GTPBP1: variants seen among roughly 807,000 people sequenced by gnomAD.
The protein encoded by GTPBP1 is GTP-binding protein 1.
GTPBP1 carries 23 observed loss-of-function variants against 62.0 expected under a neutral mutation model. The observed-to-expected ratio is 0.37, with a 90% CI of 0.27 to 0.53. The LOEUF is 0.53. Ranked by LOEUF, GTPBP1 falls within the 20% of genes least tolerant of loss-of-function variation. GTPBP1 has a pLI of 0.89. For missense variants in GTPBP1, 640 were observed against 917.3 expected (o/e 0.70, Z 3.90); for synonymous variants, 344 against 364.4 (o/e 0.94, Z 0.64).
At chr22:38,740,271 T>C (rs2092844667), downstream of GTPBP1, 1 of 1,586,832 alleles carries the variant, frequency 6.3e-7, no homozygotes, top group Non-Finnish European at 8.6e-7. This position sits in a 1 kb window ranked among gnomAD's most constrained non-coding sequence, Gnocchi z 4.8. Context: ...ACTCACGTCG[T>C]CCCGCACGGC....
intron 4 of GTPBP1, among the ~76,000 whole-genome samples, chr22:38,719,783 A>G (rs1040423386): frequency 6.6e-6 from 1 of 151,966 alleles, no homozygotes; most frequent in Non-Finnish European, 1.5e-5. Context: ...TACAATCAAG[A>G]AAATGAAGAA....
At position 38,729,669 on chromosome 22, in the gene GTPBP1, A is replaced by C; in HGVS notation, c.1917+7A>C. On this transcript the variant is annotated splice_region_variant and intron_variant, in intron 11 of 11. Coordinates refer to ENST00000216044, the MANE Select transcript of GTPBP1 (RefSeq NM_004286.5). ...CAGCAATCTCCAGCCTCAGGTGAGC[A>C]CGGGCCCCTCGCAGCTTCGGCATGG... 6.8e-7 allele frequency: 1 copy of C among 1,472,736 alleles called. No homozygotes were observed. Among genetic ancestry groups the C allele is most frequent in the Non-Finnish European group, 9.0e-7 (1 of 1,111,568 alleles). The allele number at this position is 1,472,736 out of a possible 1,614,324, so 91.2% of individuals were successfully genotyped here.
intron 1 of GTPBP1, chr22:38,706,574 G>A: frequency 6.0e-6 from 1 of 166,860 alleles, no homozygotes. Flanking sequence ...GCAGAGGGGC[G>A]AGGGGGCCCG....
intron 1 of GTPBP1, among the ~76,000 whole-genome samples, chr22:38,707,252 T>C (rs892348532): frequency 3.9e-5 from 6 of 152,246 alleles, no homozygotes; most frequent in African/African-American, 1.4e-4. Context: ...CCACTTACAT[T>C]TGTAGGATAG....
chr22:38,729,054 C>CGGAG (rs2092741891), intron 10 of GTPBP1: 1 of 159,110 alleles, frequency 6.3e-6, no homozygotes, highest in South Asian at 2.0e-4. Flanking sequence ...GAGGAGTCTC[C>CGGAG]ACCAGCTTAG....
intron 11 of GTPBP1, 54 bp downstream of exon 11, chr22:38,729,716 C>T (rs1192948345): frequency 7.5e-6 from 10 of 1,327,934 alleles, no homozygotes; most frequent in Non-Finnish European, 9.9e-6. Flanking sequence ...GTGGCTTTTA[C>T]TCTGATTCGG....
chr22:38,739,171 C>A, downstream of GTPBP1: 1 of 893,748 alleles, frequency 1.1e-6, no homozygotes, highest in South Asian at 1.6e-5. This position sits in a 1 kb window ranked among gnomAD's most constrained non-coding sequence, Gnocchi z 6.7. Flanking sequence ...GTACTCGGTA[C>A]GTCCTGACTT....
At chr22:38,723,136 A>C (rs2092709584) in intron 5 of GTPBP1, 1 of 796,852 alleles carries the variant, frequency 1.3e-6, no homozygotes, top group Non-Finnish European at 2.3e-6. Context: ...AGTTCACATC[A>C]TGAAATTCCT....
At chr22:38,712,922 C>A (rs2092648288) in intron 2 of GTPBP1, among the ~76,000 whole-genome samples, 1 of 152,196 alleles carries the variant, frequency 6.6e-6, no homozygotes, top group South Asian at 2.1e-4. Flanking sequence ...TTACATTTTA[C>A]AAACATTTGA....
chr22:38,714,834 G>A (rs1190639385), intron 2 of GTPBP1, among the ~76,000 whole-genome samples: 1 of 152,142 alleles, frequency 6.6e-6, no homozygotes, highest in Admixed American at 6.5e-5. Context: ...AGCTGGGAAA[G>A]GCTGAGGGAG....
At chr22:38,742,569 G>A, downstream of GTPBP1, 1 of 1,601,702 alleles carries the variant, frequency 6.2e-7, no homozygotes, top group Non-Finnish European at 8.5e-7. Flanking sequence ...GAAGGGCAGA[G>A]AGAGAGCCAC....
intron 5 of GTPBP1, chr22:38,722,702 C>G: frequency 6.3e-7 from 1 of 1,595,862 alleles, no homozygotes; most frequent in Non-Finnish European, 8.6e-7. Context: ...AACTGTGTTT[C>G]TTCTCTGGGG....
intron 2 of GTPBP1, among the ~76,000 whole-genome samples, chr22:38,714,716 G>A (rs1434326362): frequency 1.3e-5 from 2 of 151,486 alleles, no homozygotes; most frequent in African/African-American, 4.9e-5. Flanking sequence ...GGAGTGGGAG[G>A]AAGAGAAGAA....
At chr22:38,729,251 C>T in intron 10 of GTPBP1, 1 of 503,840 alleles carries the variant, frequency 2.0e-6, no homozygotes. Context: ...AGTCCAGGGC[C>T]ATAGCAGTCC....
chr22:38,710,955 A>T (rs954581457), intron 2 of GTPBP1, among the ~76,000 whole-genome samples: 8 of 152,136 alleles, frequency 5.3e-5, no homozygotes, highest in African/African-American at 1.9e-4. Context: ...ATTTATTAAC[A>T]CATCTGTACA....
In GTPBP1 at chr22:38,730,935, CCTCA is replaced by C; in HGVS notation, c.*237_*240del. ...CTCTCACTGTCCTCCCCACCTTCTT[CCTCA>C]CTCACACATTTTTTGTACATCTGGG... On this transcript the variant is annotated 3_prime_UTR_variant, in exon 12 of 12. Transcript: ENST00000216044. This position sits in a 1 kb window ranked among gnomAD's most constrained non-coding sequence, Gnocchi z 5.6. 3 of 525,562 alleles carry C rather than the reference CCTCA, an allele frequency of 5.7e-6. No homozygotes were observed. The highest frequency in any genetic ancestry group is 2.5e-5 in the South Asian group (1 of 40,516). The allele number at this position is 525,562 out of a possible 1,614,324, so 32.6% of individuals were successfully genotyped here.
downstream of GTPBP1, chr22:38,735,830 T>C (rs73417426): frequency 0.044 from 7,356 of 168,326 alleles, 616 homozygotes; most frequent in African/African-American, 0.17. Flanking sequence ...AGCACCCTCC[T>C]CCCAGAGGGC....
intron 4 of GTPBP1, among the ~76,000 whole-genome samples, chr22:38,719,850 C>A (rs1370924246): frequency 6.6e-6 from 1 of 151,922 alleles, no homozygotes. Context: ...CAGATGTTTC[C>A]CAAATATCTT....
At chr22:38,742,952 G>A, downstream of GTPBP1, 1 of 171,726 alleles carries the variant, frequency 5.8e-6, no homozygotes, top group Non-Finnish European at 1.2e-5. Context: ...TCCTACAGGG[G>A]CAGGGGAGCC....
Sources: allele counts gnomAD v4.1 joint callset (sites outside exome capture counted in the v4.1 genomes callset), GRCh38; gene constraint gnomAD v4.1.1; non-coding constraint Gnocchi (gnomAD v3.1); transcripts MANE v1.5; gene names NCBI Gene and HGNC (gene_info 2026-07-23, HGNC 2026-07-21).